Variants in CHRM2 observed in about 807,000 individuals in gnomAD.
CHRM2 encodes the protein cholinergic receptor muscarinic 2, also known as muscarinic acetylcholine receptor M2.
CHRM2 carries 8 observed loss-of-function variants against 25.0 expected under a neutral mutation model. That is an observed-to-expected ratio of 0.32 (90% CI 0.19 to 0.58). The LOEUF (loss-of-function observed/expected upper bound fraction) is 0.58, where lower values mean the gene tolerates loss of function less well. Ranked by LOEUF, CHRM2 falls within the 20% of genes least tolerant of loss-of-function variation. CHRM2 has a pLI of 0.88. For synonymous variants in CHRM2, 202 were observed against 205.7 expected (o/e 0.98, Z 0.15); for missense variants, 440 against 567.1 (o/e 0.78, Z 2.28).
chr7:136,922,118 AC>A (rs1229642126), intron 2 of CHRM2, among the ~76,000 whole-genome samples: 6 of 152,094 alleles, frequency 3.9e-5, no homozygotes, highest in African/African-American at 1.4e-4. Context: ...GCCTCAACTG[AC>A]CCCTGGGAGA....
In CHRM2 at chr7:136,973,802, CTATT is replaced by C. The variant is rs1801939347; in HGVS notation, c.-124-18383_-124-18380del. Among the ~76,000 whole-genome samples, 10 of 151,922 alleles carry C rather than the reference CTATT, an allele frequency of 6.6e-5. 1 individual carries two copies. In the South Asian group the frequency reaches 2.1e-3, roughly 32 times the overall value. ...ATGGTGGTGGGGATGGTAGGGGTGT[CTATT>C]TGTTGGTCAGAATGCATTTTCTTTT... is the stretch of plus-strand genomic sequence containing the variant. On this transcript the variant is annotated intron_variant, in intron 2 of 3. Coordinates refer to ENST00000680005, the MANE Select transcript of CHRM2 (RefSeq NM_001006630.2).
chr7:136,958,391 A>G (rs1335217402), intron 2 of CHRM2, among the ~76,000 whole-genome samples: 1 of 150,172 alleles, frequency 6.7e-6, no homozygotes, highest in African/African-American at 2.5e-5. Flanking sequence ...TTTCTATTGT[A>G]CTTCTTACAT....
chr7:136,914,845 T>C (rs1389713365), intron 2 of CHRM2, among the ~76,000 whole-genome samples: 1 of 151,980 alleles, frequency 6.6e-6, no homozygotes, highest in Non-Finnish European at 1.5e-5. Context: ...TGTTTGTTAT[T>C]ATAATGAAGT....
chr7:137,015,356 T>A lies in CHRM2; in HGVS notation c.491T>A (p.Phe164Tyr). ...LWAPAILFWQ[F>Y]IVGVRTVEDG... ...GCTCCAGCCATTCTCTTCTGGCAGT[T>A]CATTGTAGGGGTGAGAACTGTGGAG... Residue 164 changes from phenylalanine (F) to tyrosine (Y), a missense_variant, in exon 4 of 4, where the codon TTC (phenylalanine) becomes TAC (tyrosine). Transcript: ENST00000680005. This position sits in a 1 kb window ranked among gnomAD's most constrained non-coding sequence, Gnocchi z 5.1. The A allele has an allele frequency of 6.2e-7, 1 of 1,613,512 alleles. No individual in the cohort carries two copies. The highest frequency in any genetic ancestry group is 8.5e-7 in the Non-Finnish European group (1 of 1,179,644).
At chr7:136,893,952 A>T (rs981022677) in intron 2 of CHRM2, among the ~76,000 whole-genome samples, 2 of 152,170 alleles carry the variant, frequency 1.3e-5, no homozygotes, top group African/African-American at 4.8e-5. Flanking sequence ...CTACGTCTTC[A>T]ATTTCTTTTT....
chr7:136,908,446 T>C (rs1797672234), intron 2 of CHRM2, among the ~76,000 whole-genome samples: 1 of 151,956 alleles, frequency 6.6e-6, no homozygotes, highest in Non-Finnish European at 1.5e-5. Context: ...TTAGATTACA[T>C]TATTGCAATA....
chr7:136,989,950 C>T (rs1803107958), intron 2 of CHRM2, among the ~76,000 whole-genome samples: 1 of 152,142 alleles, frequency 6.6e-6, no homozygotes, highest in Non-Finnish European at 1.5e-5. Flanking sequence ...CTTCACCTCT[C>T]CCAGACTCAA....
intron 2 of CHRM2, among the ~76,000 whole-genome samples, chr7:136,990,506 C>A (rs1015105671): frequency 6.6e-6 from 1 of 152,092 alleles, no homozygotes; most frequent in Admixed American, 6.6e-5. Flanking sequence ...TCTCACGTAA[C>A]AATATGCATT....
At position 137,015,041 on chromosome 7, in the gene CHRM2, A is replaced by G. The variant is rs1805080560; in HGVS notation, c.176A>G (p.Asn59Ser). ...AACCGCCACCTCCAGACCGTCAACA[A>G]TTACTTTTTATTCAGCTTGGCCTGT... is the stretch of plus-strand genomic sequence containing the variant. ...KVNRHLQTVN[N>S]YFLFSLACAD... is the part of the protein sequence containing the mutation. Residue 59 changes from asparagine to serine, a missense_variant, in exon 4 of 4, where the codon AAT becomes AGT. By Grantham distance (46) the Asn-to-Ser change is conservative. Coordinates refer to ENST00000680005, the MANE Select transcript of CHRM2 (RefSeq NM_001006630.2). The surrounding 1 kb of genome is among the most constrained non-coding windows in gnomAD (Gnocchi z 5.1). 1 of 1,613,372 alleles carries G rather than the reference A, an allele frequency of 6.2e-7. No homozygotes were observed. Among genetic ancestry groups the G allele is most frequent in the Non-Finnish European group, 8.5e-7 (1 of 1,179,596 alleles).
In CHRM2 at chr7:136,985,951, C is replaced by T. The variant is rs542727808; in HGVS notation, c.-124-6236C>T. ...AAAATCTTCTAATAGCTTTCCATTA[C>T]TTAAAAGGTTAAAAACAGAGGAGAG... On this transcript the variant is annotated intron_variant, in intron 2 of 3. Transcript: ENST00000680005. 3.9e-5 allele frequency among the ~76,000 whole-genome samples: 6 copies of T among 152,208 alleles called. No homozygotes were observed. The South Asian group carries it at 1.0e-3, about 26-fold the overall frequency.
intron 2 of CHRM2, among the ~76,000 whole-genome samples, chr7:136,936,627 G>A (rs1372555063): frequency 6.6e-6 from 1 of 152,110 alleles, no homozygotes; most frequent in African/African-American, 2.4e-5. Flanking sequence ...TTTTGTATAT[G>A]CTTAGAAATA....
chr7:136,918,580 A>T (rs1010200585), intron 2 of CHRM2, among the ~76,000 whole-genome samples: 2 of 152,118 alleles, frequency 1.3e-5, no homozygotes, highest in Middle Eastern at 3.4e-3. Context: ...TTTTTAAAAA[A>T]ATATTTATTT....
intron 2 of CHRM2, among the ~76,000 whole-genome samples, chr7:136,894,561 G>A (rs1001915527): frequency 6.6e-5 from 10 of 151,930 alleles, no homozygotes; most frequent in Non-Finnish European, 1.5e-4. Flanking sequence ...TAGTGGAGAC[G>A]GGGTTTCGCC....
At chr7:137,013,854 A>G (rs1804989117) in intron 3 of CHRM2, among the ~76,000 whole-genome samples, 1 of 152,072 alleles carries the variant, frequency 6.6e-6, no homozygotes, top group African/African-American at 2.4e-5. Context: ...GCTGCTCAAT[A>G]GATATGTGAG....
chr7:136,887,895 C>G (rs929258623), intron 2 of CHRM2, among the ~76,000 whole-genome samples: 1 of 152,184 alleles, frequency 6.6e-6, no homozygotes, highest in African/African-American at 2.4e-5. Flanking sequence ...AAAAAGTTCT[C>G]TCTCCTGGGA....
At chr7:137,003,491 C>T (rs1195066972) in intron 3 of CHRM2, among the ~76,000 whole-genome samples, 725 of 19,198 alleles carry the variant, frequency 0.038, 12 homozygotes, top group African/African-American at 0.16. Flanking sequence ...CACACACACA[C>T]ACACACACAC....
At chr7:136,998,083 G>T (rs1803723707) in intron 3 of CHRM2, among the ~76,000 whole-genome samples, 1 of 152,184 alleles carries the variant, frequency 6.6e-6, no homozygotes, top group Non-Finnish European at 1.5e-5. Flanking sequence ...TCTAATATAT[G>T]ATCTCTTGCT....
rs559538661 is a variant in CHRM2, at chr7:136,906,975, A to T, written c.-125+37557A>T. The T allele has an allele frequency of 8.4e-5, 13 of 154,136 alleles. No individual in the cohort carries two copies. In the East Asian group the frequency reaches 2.5e-3, roughly 29 times the overall value. The allele number at this position is 154,136 out of a possible 1,614,324, so 9.5% of individuals were successfully genotyped here. A position where few individuals can be genotyped will look rare whatever the true frequency, so the allele number is the denominator to read the frequency against. ...AACTAGATGGCCCCATCTGGGGGTG[A>T]TGGGAGACAGTGACAGGTCATCAGG... On this transcript the variant is annotated intron_variant, in intron 2 of 3. Coordinates refer to ENST00000680005, the MANE Select transcript of CHRM2 (RefSeq NM_001006630.2).
At chr7:136,870,265 C>G (rs1393618547) in intron 2 of CHRM2, 1 of 152,498 alleles carries the variant, frequency 6.6e-6, no homozygotes, top group Non-Finnish European at 1.5e-5. Flanking sequence ...CGCAATGTCC[C>G]TTGGAGTCCG....
Sources: gnomAD v4.1 joint callset for allele counts (sites outside exome capture counted in the v4.1 genomes callset) on GRCh38, gnomAD v4.1.1 for gene constraint, Gnocchi (gnomAD v3.1) non-coding constraint, MANE v1.5 for transcripts, NCBI Gene and HGNC (gene_info 2026-07-23, HGNC 2026-07-21) for gene names.